Variants in CEP164 observed in about 807,000 individuals in gnomAD.
CEP164 encodes centrosomal protein of 164 kDa.
In CEP164, 162 loss-of-function variants were observed where a neutral mutation model predicts 182.7. The observed-to-expected ratio is 0.89, with a 90% CI of 0.78 to 1.01. The LOEUF is 1.01. Ranked by LOEUF, CEP164 falls within the 50% of genes least tolerant of loss-of-function variation. The probability of loss-of-function intolerance (pLI) is 0.00; values close to 1 mark genes in which losing one functional copy is unlikely to be tolerated. For synonymous variants in CEP164, 661 were observed against 690.0 expected, an observed-to-expected ratio of 0.96 and a Z score of 0.66; for missense variants, 1,735 against 1,790.4, an observed-to-expected ratio of 0.97 and a Z score of 0.56.
Position 117,411,687 on chromosome 11 carries a change from T to C in CEP164, c.4164-108T>C. On this transcript the variant is annotated intron_variant, in intron 31 of 32. Coordinates refer to ENST00000278935, the MANE Select transcript of CEP164 (RefSeq NM_014956.5). This position sits in a 1 kb window ranked among gnomAD's most constrained non-coding sequence, Gnocchi z 4.4. ...AGGGACCTCGGAGAAGCTGCTCTGGTAGCTGAGAGAAAGAGGGAGGAGGTG... is the reference window on the plus strand; with the variant it reads ...AGGGACCTCGGAGAAGCTGCTCTGGCAGCTGAGAGAAAGAGGGAGGAGGTG... 2 of 1,478,128 alleles carry C rather than the reference T, an allele frequency of 1.4e-6. No individual in the cohort carries two copies. Among genetic ancestry groups the C allele is most frequent in the Non-Finnish European group, 1.8e-6 (2 of 1,083,386 alleles). The allele number at this position is 1,478,128 out of a possible 1,614,324, so 91.6% of individuals were successfully genotyped here.
Position 117,408,876 on chromosome 11 carries a change from A to T in CEP164, c.3610-14A>T. ...TGGGAGAGGTGGGTCATAACTGCTGACTTTACCCCACAGGCCTCAGATGAG... is the reference window on the plus strand; with the variant it reads ...TGGGAGAGGTGGGTCATAACTGCTGTCTTTACCCCACAGGCCTCAGATGAG... On this transcript the variant is annotated splice_polypyrimidine_tract_variant and intron_variant, in intron 28 of 32. Transcript: ENST00000278935. 1 of 1,613,962 alleles carries T rather than the reference A, an allele frequency of 6.2e-7. No individual in the cohort carries two copies. Among genetic ancestry groups the T allele is most frequent in the East Asian group, 2.2e-5 (1 of 44,868 alleles).
chr11:117,344,753 C>T (rs927370666), intron 4 of CEP164, among the ~76,000 whole-genome samples: 14 of 152,024 alleles, frequency 9.2e-5, no homozygotes, highest in African/African-American at 1.9e-4. Context: ...ATGGTGAAAC[C>T]GCGTCTCTAC....
rs148477756 is a variant in CEP164 at position 117,396,152 on chromosome 11, T to C, written c.3188T>C (p.Ile1063Thr). The C allele has an allele frequency of 4.3e-5, 70 of 1,613,694 alleles. No individual in the cohort carries two copies. The highest frequency in any genetic ancestry group is 5.6e-5 in the Non-Finnish European group (66 of 1,179,832). Residue 1063 changes from isoleucine (I) to threonine (T), a missense_variant, in exon 25 of 33, where the codon ATT (isoleucine) becomes ACT (threonine). Coordinates refer to ENST00000278935, the MANE Select transcript of CEP164 (RefSeq NM_014956.5). ...ASPHFEPDLH[I>T]EDLRKSLGTN... ...CCACATTTTGAGCCAGATCTCCATA[T>C]TGAGGACCTGAGGAAATCCCTTGGA...
At chr11:117,393,259 G>A (rs530496181) in intron 20 of CEP164, 133 bp downstream of exon 20, 2 of 1,395,054 alleles carry the variant, frequency 1.4e-6, no homozygotes, top group African/African-American at 1.4e-5. Flanking sequence ...TGGCTGTGGG[G>A]CAGAGGAAGG....
chr11:117,377,635 A>G lies in CEP164; in HGVS notation c.1317+1844A>G, dbSNP rs150661549. 4.4e-3 allele frequency among the ~76,000 whole-genome samples: 677 copies of G among 152,246 alleles called. 21 individuals are homozygous for G. Among genetic ancestry groups the G allele is most frequent in the Admixed American group, 0.042 (641 of 15,298 alleles). ...TCTTGCCCATTTTGCCGTATTTTCC[A>G]TGTCTCTCTCAAGGGCAGGACCAGG... On this transcript the variant is annotated intron_variant, in intron 11 of 32. Coordinates refer to ENST00000278935, the MANE Select transcript of CEP164 (RefSeq NM_014956.5).
rs147365984 is a variant in CEP164 at position 117,357,644 on chromosome 11, A to T, written c.394-4191A>T. Among the ~76,000 whole-genome samples, 1,080 of 152,010 alleles carry T rather than the reference A, an allele frequency of 7.1e-3. 23 individuals are homozygous for T. Among genetic ancestry groups the T allele is most frequent in the African/African-American group, 0.023 (960 of 41,442 alleles). ...GTCATGTTGGCCAGGCTGGTATCAA[A>T]CTCCTGACCTCAAGTGATCTGCCTG... On this transcript the variant is annotated intron_variant, in intron 5 of 32. Coordinates refer to ENST00000278935, the MANE Select transcript of CEP164 (RefSeq NM_014956.5).
At chr11:117,336,299 T>C (rs753699794) in intron 2 of CEP164, 1 of 1,528,142 alleles carries the variant, frequency 6.5e-7, no homozygotes. Context: ...TTCTTCATTT[T>C]ATTCTGCATC....
At chr11:117,378,127 C>G (rs750710852) in intron 11 of CEP164, among the ~76,000 whole-genome samples, 5 of 152,110 alleles carry the variant, frequency 3.3e-5, no homozygotes, top group Admixed American at 1.3e-4. Flanking sequence ...CCTTGGCCCC[C>G]CAAAGTGCTG....
chr11:117,337,335 C>T (rs2037324108), intron 2 of CEP164, among the ~76,000 whole-genome samples: 1 of 151,976 alleles, frequency 6.6e-6, no homozygotes, highest in African/African-American at 2.4e-5. Flanking sequence ...TCCTATCAGG[C>T]CATTTAACCT....
intron 11 of CEP164, among the ~76,000 whole-genome samples, chr11:117,378,200 G>A (rs1221112108): frequency 6.6e-6 from 1 of 152,158 alleles, no homozygotes; most frequent in Non-Finnish European, 1.5e-5. Context: ...AATTAGAAAA[G>A]TGATTATAAA....
intron 4 of CEP164, among the ~76,000 whole-genome samples, chr11:117,347,955 TTTGTTG>T (rs530021219): frequency 1.5e-4 from 22 of 151,400 alleles, no homozygotes; most frequent in Non-Finnish European, 2.5e-4. Context: ...CTGAAGTTGG[TTTGTTG>T]TTGTTGTTGT....
Position 117,392,327 on chromosome 11 carries a change from C to A in CEP164, c.2361+24C>A, listed in dbSNP as rs921094188. The A allele has an allele frequency of 2.5e-6, 4 of 1,602,518 alleles. No individual in the cohort carries two copies. In the African/African-American group the frequency reaches 5.3e-5, roughly 21 times the overall value. On this transcript the variant is annotated intron_variant, in intron 18 of 32. Transcript: ENST00000278935. Reference sequence around the variant, plus strand: ...AGGTAAGATGCAGCATCCTGGGCCCCCTTCATGGCTGATTAGCAGAATTCA... The same window carrying A: ...AGGTAAGATGCAGCATCCTGGGCCCACTTCATGGCTGATTAGCAGAATTCA...
chr11:117,401,397 A>G (rs1291561626), intron 27 of CEP164, among the ~76,000 whole-genome samples: 3 of 152,046 alleles, frequency 2.0e-5, no homozygotes, highest in Non-Finnish European at 4.4e-5. Context: ...TTTATTGAGA[A>G]TTTTCACATT....
rs557712721 is a variant in CEP164, at chr11:117,399,733, C to T, written c.3501+2420C>T. ...TTTTGATTTGCAGTTCTCTAATGAC[C>T]AGTGATGATGAGCTTTTTTTTTATG... On this transcript the variant is annotated intron_variant, in intron 27 of 32. Transcript: ENST00000278935. 1.7e-3 allele frequency among the ~76,000 whole-genome samples: 261 copies of T among 152,080 alleles called. 1 individual carries two copies. The highest frequency in any genetic ancestry group is 3.0e-3 in the Non-Finnish European group (206 of 67,958).
At chr11:117,412,002 C>G in intron 32 of CEP164, 70 bp from the exon 33 acceptor site, 1 of 1,610,686 alleles carries the variant, frequency 6.2e-7, no homozygotes, top group Non-Finnish European at 8.5e-7. Flanking sequence ...TCCTGTTCAG[C>G]CTTTGACCCT....
At chr11:117,333,469 C>G (rs1400099996) in intron 1 of CEP164, among the ~76,000 whole-genome samples, 2 of 152,192 alleles carry the variant, frequency 1.3e-5, no homozygotes, top group Non-Finnish European at 2.9e-5. Context: ...GGGTGTACTC[C>G]TAGTAGCTTC....
At chr11:117,399,072 G>T (rs948441926) in intron 27 of CEP164, among the ~76,000 whole-genome samples, 1 of 152,108 alleles carries the variant, frequency 6.6e-6, no homozygotes, top group African/African-American at 2.4e-5. Flanking sequence ...TGTCATGGTG[G>T]TTTGCTGCAC....
At chr11:117,343,685 C>T (rs2135233870) in intron 3 of CEP164, among the ~76,000 whole-genome samples, 1 of 145,356 alleles carries the variant, frequency 6.9e-6, no homozygotes, top group African/African-American at 2.6e-5. Context: ...GGCTGGAGTG[C>T]AGTGGCGTGA....
chr11:117,392,565 C>G lies in CEP164; in HGVS notation c.2431C>G (p.Leu811Val). Residue 811 changes from leucine to valine, a missense_variant, in exon 19 of 33, where the codon CTT becomes GTT. By Grantham distance (32) the Leu-to-Val change is conservative. Coordinates refer to ENST00000278935, the MANE Select transcript of CEP164 (RefSeq NM_014956.5). ...AGAGGAGGCCCAGCTGCAGAAGTGC[C>G]TTGGGCAAGTGGAGCACAGAGTTCA... ...QKEEAQLQKC[L>V]GQVEHRVHQK... The G allele has an allele frequency of 6.2e-7, 1 of 1,614,166 alleles. No homozygotes were observed. Among genetic ancestry groups the G allele is most frequent in the Non-Finnish European group, 8.5e-7 (1 of 1,180,036 alleles).
Sources: gnomAD v4.1 joint callset for allele counts (sites outside exome capture counted in the v4.1 genomes callset) on GRCh38, gnomAD v4.1.1 for gene constraint, Gnocchi (gnomAD v3.1) non-coding constraint, MANE v1.5 for transcripts, NCBI Gene and HGNC (gene_info 2026-07-23, HGNC 2026-07-21) for gene names.